Variants in MAN2B2 observed in about 807,000 individuals in gnomAD.
MAN2B2 encodes the protein mannosidase alpha class 2B member 2.
MAN2B2 carries 106 observed loss-of-function variants against 117.1 expected under a neutral mutation model. The ratio of observed to expected loss-of-function variants is 0.90; its 90% confidence interval spans 0.77 to 1.06. MAN2B2 has a LOEUF of 1.06. MAN2B2 is among the 50% of genes least tolerant of loss of function. MAN2B2 has a pLI of 0.00. For missense variants in MAN2B2, 1,326 were observed against 1,381.4 expected (o/e 0.96, Z 0.64); for synonymous variants, 544 against 595.1 (o/e 0.91, Z 1.25).
At chr4:6,586,893 G>C in intron 3 of MAN2B2, 103 bp from the exon 4 acceptor site, 3 of 1,038,910 alleles carry the variant, frequency 2.9e-6, no homozygotes, top group Admixed American at 4.4e-5. Context: ...CCAGTAGCTG[G>C]CACTGCAACC....
At chr4:6,593,724 G>A (rs1197381698) in intron 6 of MAN2B2, among the ~76,000 whole-genome samples, 2 of 152,246 alleles carry the variant, frequency 1.3e-5, no homozygotes, top group Non-Finnish European at 2.9e-5. Context: ...GCGTTCCCGG[G>A]AAGCCAGTGC....
Position 6,600,733 on chromosome 4 carries a change from G to A in MAN2B2, c.1516G>A (p.Ala506Thr). 1 of 1,613,764 alleles carries A rather than the reference G, an allele frequency of 6.2e-7. No homozygotes were observed. Among genetic ancestry groups the A allele is most frequent in the Non-Finnish European group, 8.5e-7 (1 of 1,180,040 alleles). ...CCCTGGAGTCCGCGTCACAGATGAG[G>A]CGGGCCACCCAGTGCCCTCGCAGGT... ...GFPGVRVTDE[A>T]GHPVPSQIQN... Residue 506 changes from alanine to threonine, a missense_variant, in exon 10 of 19, where the codon GCG (alanine) becomes ACG (threonine). Transcript: ENST00000285599.
In MAN2B2 at chr4:6,621,268, C is replaced by A; in HGVS notation, c.3013C>A (p.His1005Asn). 1 of 1,614,024 alleles carries A rather than the reference C, an allele frequency of 6.2e-7. No individual in the cohort carries two copies. Residue 1005 changes from histidine (H) to asparagine (N), a missense_variant, in exon 19 of 19, where the codon CAC becomes AAC. By Grantham distance (68) the His-to-Asn change is moderately conservative (BLOSUM62 1). Coordinates refer to ENST00000285599, the MANE Select transcript of MAN2B2 (RefSeq NM_015274.3). ...HPKEIRTFFI[H>N]FQQQ The stretch of plus-strand genomic sequence containing the variant: ...AAAGGAAATCCGGACGTTCTTTATT[C>A]ACTTTCAACAGCAGTGAGCCCTGGG...
At chr4:6,590,512 G>A (rs1054285550) in intron 5 of MAN2B2, among the ~76,000 whole-genome samples, 2 of 152,214 alleles carry the variant, frequency 1.3e-5, no homozygotes, top group African/African-American at 4.8e-5. Context: ...TGAGGAAGTT[G>A]AATGTGCTGA....
chr4:6,610,322 A>C (rs1241747138), intron 13 of MAN2B2, among the ~76,000 whole-genome samples: 1 of 151,968 alleles, frequency 6.6e-6, no homozygotes, highest in Non-Finnish European at 1.5e-5. Context: ...ATGCCCAGCT[A>C]ATTTTTATAT....
chr4:6,620,678 CGGAG>C (rs770288144), intron 18 of MAN2B2: 24 of 144,908 alleles, frequency 1.7e-4, no homozygotes, highest in South Asian at 7.3e-4. Flanking sequence ...AAGGAAGGGA[CGGAG>C]GGAGGGAGGG....
intron 2 of MAN2B2, among the ~76,000 whole-genome samples, chr4:6,577,459 G>A (rs547352274): frequency 7.5e-4 from 115 of 152,344 alleles, no homozygotes; most frequent in African/African-American, 2.5e-3. Flanking sequence ...GTGAAGCGGA[G>A]AAGGGAGAGC....
intron 3 of MAN2B2, among the ~76,000 whole-genome samples, chr4:6,586,487 C>T (rs1726636991): frequency 6.6e-6 from 1 of 152,154 alleles, no homozygotes; most frequent in Non-Finnish European, 1.5e-5. Context: ...CACAAAAATC[C>T]TCACCCCTGC....
chr4:6,613,961 C>T (rs956912088), intron 15 of MAN2B2, among the ~76,000 whole-genome samples: 1 of 152,180 alleles, frequency 6.6e-6, no homozygotes, highest in Admixed American at 6.5e-5. Context: ...TTCCTCGTCT[C>T]TACTTTGAGA....
chr4:6,613,603 GGGAAT>G (rs1445396760), intron 15 of MAN2B2, among the ~76,000 whole-genome samples: 3 of 146,102 alleles, frequency 2.1e-5, no homozygotes, highest in Non-Finnish European at 4.5e-5. Flanking sequence ...AGGGAGGGAG[GGGAAT>G]GGAATGGAAG....
intron 16 of MAN2B2, among the ~76,000 whole-genome samples, chr4:6,615,644 T>C (rs1711828674): frequency 6.6e-6 from 1 of 151,734 alleles, no homozygotes; most frequent in East Asian, 1.9e-4. Flanking sequence ...AAAAAAAAAT[T>C]AAAAAATTAG....
chr4:6,616,897 A>G (rs1257373121), intron 16 of MAN2B2, among the ~76,000 whole-genome samples: 1 of 152,146 alleles, frequency 6.6e-6, no homozygotes, highest in African/African-American at 2.4e-5. Context: ...GCTGTCTCAC[A>G]TGGAGTCTAT....
At chr4:6,579,485 C>CACTACCATCACCACCACCATCATA (rs1432497734) in intron 3 of MAN2B2, among the ~76,000 whole-genome samples, 3 of 148,690 alleles carry the variant, frequency 2.0e-5, no homozygotes, top group South Asian at 2.2e-4. Flanking sequence ...CCATCACTAC[C>CACTACCATCACCACCACCATCATA]ACTACCATCA....
Position 6,609,789 on chromosome 4 carries a change from C to A in MAN2B2, c.2007-9C>A. The A allele has an allele frequency of 8.9e-6, 14 of 1,578,736 alleles. No homozygotes were observed. Among genetic ancestry groups the A allele is most frequent in the Non-Finnish European group, 1.2e-5 (14 of 1,156,502 alleles). On this transcript the variant is annotated splice_polypyrimidine_tract_variant and intron_variant, in intron 12 of 18. Transcript: ENST00000285599. ...GAGCTTCACTTACTGATGCTCCCTT[C>A]TCCTCCAGGAACATGACAGCACAGA...
At chr4:6,617,602 A>T (rs1023589067) in intron 17 of MAN2B2, 110 bp downstream of exon 17, 14 of 1,546,900 alleles carry the variant, frequency 9.1e-6, no homozygotes, top group South Asian at 4.8e-5. Flanking sequence ...TCCCAAATGG[A>T]CGCTGGTATG....
intron 15 of MAN2B2, among the ~76,000 whole-genome samples, chr4:6,613,693 G>A (rs1560663431): frequency 7.7e-6 from 1 of 130,398 alleles, no homozygotes; most frequent in African/African-American, 2.9e-5. Flanking sequence ...AGGAGGGAAG[G>A]AAGGAAGGAA....
At chr4:6,618,362 T>G (rs1000995861) in intron 17 of MAN2B2, 6 of 152,218 alleles carry the variant, frequency 3.9e-5, no homozygotes, top group Non-Finnish European at 8.8e-5. Context: ...AGATTCCCCA[T>G]AGAGTTGCTT....
chr4:6,590,705 T>C (rs1337566134), intron 5 of MAN2B2, among the ~76,000 whole-genome samples: 1 of 152,170 alleles, frequency 6.6e-6, no homozygotes, highest in Non-Finnish European at 1.5e-5. Flanking sequence ...AGGGGTGCTG[T>C]GGATGCAGGG....
chr4:6,609,566 A>T, intron 12 of MAN2B2: 1 of 633,440 alleles, frequency 1.6e-6, no homozygotes, highest in East Asian at 2.7e-5. Flanking sequence ...TTCCATGATC[A>T]GAGCAGACGT....
Sources: gnomAD v4.1 joint callset for allele counts (sites outside exome capture counted in the v4.1 genomes callset) on GRCh38, gnomAD v4.1.1 for gene constraint, MANE v1.5 for transcripts, NCBI Gene and HGNC (gene_info 2026-07-23, HGNC 2026-07-21) for gene names.